The following CSMD2 variants were observed in gnomAD, a reference collection of about 807,000 sequenced individuals.
CSMD2 encodes CUB and Sushi multiple domains 2.
Under a neutral mutation model 398.5 loss-of-function variants are expected in CSMD2, and 130 were observed. That is an observed-to-expected ratio of 0.33 (90% CI 0.28 to 0.38). The LOEUF (loss-of-function observed/expected upper bound fraction) is 0.38, where lower values mean the gene tolerates loss of function less well. Among genes scored for constraint, CSMD2 ranks in the 10% least tolerant of loss-of-function variants. The pLI is 1.00. For synonymous variants in CSMD2, 1,828 were observed against 1,908.5 expected, an observed-to-expected ratio of 0.96 and a Z score of 1.10; for missense variants, 3,829 against 4,764.9, an observed-to-expected ratio of 0.80 and a Z score of 5.78.
chr1:33,692,366 G>A (rs547643819), intron 25 of CSMD2, among the ~76,000 whole-genome samples: 105 of 152,236 alleles, frequency 6.9e-4, no homozygotes, highest in African/African-American at 2.4e-3. Flanking sequence ...AAGCATTTCT[G>A]TCCTCATTTT....
intron 7 of CSMD2, among the ~76,000 whole-genome samples, chr1:33,822,398 T>C (rs1015768351): frequency 6.6e-6 from 1 of 152,094 alleles, no homozygotes; most frequent in East Asian, 1.9e-4. Flanking sequence ...GTTAGAGGCC[T>C]GAAGTAGACC....
chr1:33,655,115 T>C (rs1311016832), intron 27 of CSMD2, among the ~76,000 whole-genome samples: 1 of 152,216 alleles, frequency 6.6e-6, no homozygotes, highest in Non-Finnish European at 1.5e-5. Context: ...TACTAAACCA[T>C]GGTTGCCCAG....
Position 34,135,402 on chromosome 1 carries a change from T to C in CSMD2, c.187+29509A>G, listed in dbSNP as rs138887001. On this transcript the variant is annotated intron_variant, in intron 1 of 70. Coordinates refer to ENST00000373381, the MANE Select transcript of CSMD2 (RefSeq NM_001281956.2). ...TTGGGAGGCCGAGGCGGGTGGATCATGAGGTCAACAGATCGAGACCATCTT... is the reference window on the plus strand; with the variant it reads ...TTGGGAGGCCGAGGCGGGTGGATCACGAGGTCAACAGATCGAGACCATCTT... 1.8e-3 allele frequency among the ~76,000 whole-genome samples: 269 copies of C among 152,022 alleles called. 1 individual carries two copies. The highest frequency in any genetic ancestry group is 6.1e-3 in the African/African-American group (253 of 41,496).
At chr1:33,657,801 A>C in intron 27 of CSMD2, 145 bp downstream of exon 27, 1 of 706,340 alleles carries the variant, frequency 1.4e-6, no homozygotes, top group Non-Finnish European at 2.4e-6. Context: ...CATGCAAAGC[A>C]GGGTAAACAA....
intron 3 of CSMD2, among the ~76,000 whole-genome samples, chr1:33,951,848 C>T (rs2125371154): frequency 6.6e-6 from 1 of 152,358 alleles, no homozygotes; most frequent in Non-Finnish European, 1.5e-5. Context: ...GTCACCTCTC[C>T]TTCTGTGATC....
At chr1:33,646,550 T>C in intron 29 of CSMD2, 98 bp downstream of exon 29, 1 of 1,311,060 alleles carries the variant, frequency 7.6e-7, no homozygotes, top group Non-Finnish European at 1.1e-6. Context: ...GGGCTTGCTG[T>C]GGTCCAGCCC....
chr1:33,530,241 C>T (rs1240445948), intron 64 of CSMD2, among the ~76,000 whole-genome samples: 3 of 152,030 alleles, frequency 2.0e-5, no homozygotes, highest in African/African-American at 2.4e-5. Context: ...TAAAACAACT[C>T]GATAGCAAGA....
At chr1:33,930,116 C>T (rs2125314194) in intron 4 of CSMD2, among the ~76,000 whole-genome samples, 1 of 152,298 alleles carries the variant, frequency 6.6e-6, no homozygotes, top group East Asian at 1.9e-4. Flanking sequence ...GAGTCTAGAA[C>T]AATATTTGGC....
At chr1:33,759,324 C>CTTTTTTTTTTTTTTTT (rs756784492) in intron 13 of CSMD2, among the ~76,000 whole-genome samples, 4 of 124,782 alleles carry the variant, frequency 3.2e-5, no homozygotes, top group Non-Finnish European at 6.8e-5. Context: ...CTTTTTTTTT[C>CTTTTTTTTTTTTTTTT]TTTTTTTTTT....
At chr1:33,827,680 G>A (rs1658985164) in intron 6 of CSMD2, among the ~76,000 whole-genome samples, 2 of 152,148 alleles carry the variant, frequency 1.3e-5, no homozygotes, top group Middle Eastern at 3.4e-3. Flanking sequence ...TATCCTCAAC[G>A]CCTAGAATCA....
intron 2 of CSMD2, among the ~76,000 whole-genome samples, chr1:34,071,460 AG>A (rs751399940): frequency 3.3e-5 from 5 of 152,250 alleles, no homozygotes; most frequent in Non-Finnish European, 7.3e-5. Flanking sequence ...AGCAGCAGAT[AG>A]GGGAGGAGGT....
At chr1:33,606,098 G>A (rs762906943) in intron 41 of CSMD2, 148 of 1,451,378 alleles carry the variant, frequency 1.0e-4, no homozygotes, top group South Asian at 6.0e-4. Context: ...ATGAGAGTGG[G>A]TGGCCTGACT....
intron 6 of CSMD2, among the ~76,000 whole-genome samples, chr1:33,828,746 G>T (rs1570093): frequency 0.79 from 119,519 of 152,122 alleles, 47,804 homozygotes; most frequent in East Asian, 0.94. Flanking sequence ...GGCCCAGAAA[G>T]AATCCTTCTG....
At chr1:33,820,586 A>AAAC (rs760578198) in intron 7 of CSMD2, 30 bp from the exon 8 acceptor site, 1 of 1,064,878 alleles carries the variant, frequency 9.4e-7, no homozygotes, top group South Asian at 1.4e-5. Flanking sequence ...AAAAAAAAAA[A>AAAC]AACAGCACAC....
At chr1:33,678,553 G>C (rs1213024673) in intron 25 of CSMD2, among the ~76,000 whole-genome samples, 1 of 152,110 alleles carries the variant, frequency 6.6e-6, no homozygotes, top group East Asian at 1.9e-4. Flanking sequence ...CTGCTGCAGG[G>C]GGAAGGGGGT....
At position 33,662,937 on chromosome 1, in the gene CSMD2, C is replaced by A. The variant is rs113952085; in HGVS notation, c.4208G>T (p.Ser1403Ile). ...STFNSVVLQF[S>I]TDFFTSKQGF... is the part of the protein sequence containing the mutation. ...CTGCTTGCTGGTGAAGAAGTCAGTG[C>A]TGAACTGCAGGACGACCGAGTTGAA... The change falls in exon 26 of 71, where the codon AGC (serine) becomes ATC (isoleucine). Residue 1403 changes from serine (S) to isoleucine (I), a missense_variant. Ser to Ile is a moderately radical substitution (Grantham distance 142, BLOSUM62 -2). Around this residue, in one of 5 missense-constraint regions of CSMD2, gnomAD observed 2,001 missense variants for 2,567.1 expected, o/e 0.78. Coordinates refer to ENST00000373381, the MANE Select transcript of CSMD2 (RefSeq NM_001281956.2). 10 of 1,614,214 alleles carry A rather than the reference C, an allele frequency of 6.2e-6. No individual in the cohort carries two copies. The African/African-American group carries it at 6.7e-5, about 11-fold the overall frequency.
chr1:33,614,766 A>C, intron 39 of CSMD2, 146 bp from the exon 40 acceptor site: 1 of 587,030 alleles, frequency 1.7e-6, no homozygotes, highest in South Asian at 2.2e-5. Context: ...AATCTTCTTA[A>C]AAGACTAAGC....
intron 3 of CSMD2, among the ~76,000 whole-genome samples, chr1:34,028,147 T>C (rs1050219760): frequency 2.0e-5 from 3 of 152,044 alleles, no homozygotes; most frequent in Middle Eastern, 3.2e-3. Context: ...GGTGAAACCC[T>C]ATCTTTACCA....
intron 2 of CSMD2, among the ~76,000 whole-genome samples, chr1:34,060,642 C>T (rs1413061165): frequency 7.1e-6 from 1 of 141,334 alleles, no homozygotes; most frequent in Admixed American, 6.9e-5. Context: ...TCATGGGGTT[C>T]CCTGTTTCCT....
Sources: gnomAD v4.1 joint callset for allele counts (sites outside exome capture counted in the v4.1 genomes callset) on GRCh38, gnomAD v4.1.1 for gene constraint, gnomAD v4.1.1 regional missense constraint, MANE v1.5 for transcripts, NCBI Gene and HGNC (gene_info 2026-07-23, HGNC 2026-07-21) for gene names.